Variants in AGBL1 observed in about 807,000 individuals in gnomAD.
AGBL1 encodes the protein AGBL carboxypeptidase 1.
Under a neutral mutation model 118.9 loss-of-function variants are expected in AGBL1, and 130 were observed. The ratio of observed to expected loss-of-function variants is 1.09; its 90% CI spans 0.95 to 1.26. The LOEUF (loss-of-function observed/expected upper bound fraction) is 1.26, where lower values mean the gene tolerates loss of function less well. Among genes scored for constraint, AGBL1 ranks in the 50% most tolerant of loss-of-function variants. The pLI, the probability that AGBL1 is intolerant of heterozygous loss-of-function variation, is 0.00. For missense variants in AGBL1, 1,584 were observed against 1,298.1 expected (o/e 1.22, Z -3.38); for synonymous variants, 555 against 478.9 (o/e 1.16, Z -2.08).
intron 22 of AGBL1, among the ~76,000 whole-genome samples, chr15:86,847,007 C>G (rs1168182962): frequency 1.3e-5 from 2 of 151,984 alleles, no homozygotes; most frequent in Non-Finnish European, 2.9e-5. Context: ...ATTGATCTAT[C>G]TTTAAATTTT....
intron 6 of AGBL1, among the ~76,000 whole-genome samples, chr15:86,243,285 C>T (rs1309024241): frequency 1.3e-5 from 2 of 152,162 alleles, no homozygotes; most frequent in African/African-American, 4.8e-5. Flanking sequence ...TATTCCCTTC[C>T]AGTTTTTAAG....
At chr15:86,540,080 T>A (rs897030201) in intron 19 of AGBL1, among the ~76,000 whole-genome samples, 1 of 152,224 alleles carries the variant, frequency 6.6e-6, no homozygotes, top group East Asian at 1.9e-4. Flanking sequence ...GAATTTAGTG[T>A]TCTCGGCCAC....
At chr15:86,673,521 A>C (rs2085782466) in intron 21 of AGBL1, among the ~76,000 whole-genome samples, 1 of 152,200 alleles carries the variant, frequency 6.6e-6, no homozygotes, top group Non-Finnish European at 1.5e-5. Flanking sequence ...TGGATAAGTT[A>C]CTTGTATTCA....
At chr15:86,868,693 A>C (rs1458071897) in intron 22 of AGBL1, among the ~76,000 whole-genome samples, 3 of 152,246 alleles carry the variant, frequency 2.0e-5, no homozygotes, top group Non-Finnish European at 4.4e-5. Flanking sequence ...ATTAAAGAGA[A>C]AATCTTCATT....
intron 6 of AGBL1, among the ~76,000 whole-genome samples, chr15:86,242,124 G>A (rs2078650284): frequency 6.6e-6 from 1 of 152,124 alleles, no homozygotes; most frequent in South Asian, 2.1e-4. Context: ...CCATGATTGT[G>A]AGGCCTCCCC....
intron 18 of AGBL1, among the ~76,000 whole-genome samples, chr15:86,505,948 G>A (rs913069593): frequency 6.6e-6 from 1 of 151,970 alleles, no homozygotes; most frequent in Admixed American, 6.6e-5. Flanking sequence ...TGTTTGTTTA[G>A]TGACTTCTTG....
chr15:86,624,599 G>A (rs577658883), intron 21 of AGBL1, among the ~76,000 whole-genome samples: 4 of 152,346 alleles, frequency 2.6e-5, no homozygotes, highest in Admixed American at 6.5e-5. Context: ...AAGGCTGGAA[G>A]TGGTGCTAGA....
chr15:86,921,534 T>G (rs1241198857), intron 23 of AGBL1, among the ~76,000 whole-genome samples: 1 of 152,214 alleles, frequency 6.6e-6, no homozygotes, highest in Non-Finnish European at 1.5e-5. Context: ...CTCACTTACT[T>G]CTCAAGGCCA....
At position 86,908,440 on chromosome 15, in the gene AGBL1, T is replaced by A. The variant is rs2080309752; in HGVS notation, c.*1146T>A. 3 of 151,936 alleles carry A rather than the reference T, an allele frequency of 2.0e-5. No individual in the cohort carries two copies. Among genetic ancestry groups the A allele is most frequent in the Admixed American group, 1.3e-4 (2 of 15,238 alleles). The allele number at this position is 151,936 out of a possible 1,614,324, so 9.4% of individuals were successfully genotyped here. ...AGGAGAATCGCTTGAACTTGGGAGG[T>A]GGAGGTTGCCATGAGCCGAGATTGC... On this transcript the variant is annotated 3_prime_UTR_variant, in exon 23 of 23. Coordinates refer to ENST00000614907, the MANE Select transcript of AGBL1 (RefSeq NM_001386094.1).
chr15:86,670,650 G>GTGTTTATA (rs369000727), intron 21 of AGBL1, among the ~76,000 whole-genome samples: 45 of 141,106 alleles, frequency 3.2e-4, no homozygotes, highest in Non-Finnish European at 6.1e-4. Flanking sequence ...GTGTGTGTGT[G>GTGTTTATA]TATATATATA....
At chr15:86,741,381 C>A (rs1255957166) in intron 22 of AGBL1, among the ~76,000 whole-genome samples, 10 of 30,510 alleles carry the variant, frequency 3.3e-4, no homozygotes, top group East Asian at 1.1e-3. Flanking sequence ...TAAGGCAAAG[C>A]AAAAAAAAAA....
At chr15:86,200,550 AC>A (rs60352336) in intron 5 of AGBL1, among the ~76,000 whole-genome samples, 12,090 of 71,444 alleles carry the variant, frequency 0.17, 356 homozygotes, top group African/African-American at 0.22. Flanking sequence ...ATAGACCCCT[AC>A]CCCCCCCCCC....
chr15:87,015,698 G>T (rs929558076), intron 24 of AGBL1, among the ~76,000 whole-genome samples: 2 of 152,052 alleles, frequency 1.3e-5, no homozygotes, highest in African/African-American at 4.8e-5. Flanking sequence ...ATTATTCTTA[G>T]CCAATTATAG....
At chr15:86,608,825 T>C (rs951575001) in intron 21 of AGBL1, among the ~76,000 whole-genome samples, 1 of 152,184 alleles carries the variant, frequency 6.6e-6, no homozygotes, top group Non-Finnish European at 1.5e-5. Flanking sequence ...AATTTTCAAA[T>C]GTTGGCAATG....
intron 17 of AGBL1, among the ~76,000 whole-genome samples, chr15:86,343,465 G>C (rs1284352521): frequency 1.3e-5 from 2 of 152,130 alleles, no homozygotes; most frequent in African/African-American, 2.4e-5. Flanking sequence ...GATTTCTCCA[G>C]TTTCATGTGC....
intron 19 of AGBL1, among the ~76,000 whole-genome samples, chr15:86,541,546 T>G (rs1469003754): frequency 7.0e-6 from 1 of 142,918 alleles, no homozygotes; most frequent in Admixed American, 7.6e-5. Flanking sequence ...TGAGCCATGA[T>G]TGCACCACTG....
intron 22 of AGBL1, among the ~76,000 whole-genome samples, chr15:86,822,511 C>A (rs946096659): frequency 6.6e-6 from 1 of 151,556 alleles, no homozygotes; most frequent in African/African-American, 2.4e-5. Context: ...GAAGGTGGAA[C>A]GCAGAGCATG....
rs1402681413 is a variant in AGBL1 at position 86,200,685 on chromosome 15, C to T, written c.489-24229C>T. Among the ~76,000 whole-genome samples, 3 of 151,004 alleles carry T rather than the reference C, an allele frequency of 2.0e-5. No individual in the cohort carries two copies. The South Asian group carries it at 6.3e-4, about 32-fold the overall frequency. The stretch of plus-strand genomic sequence containing the variant: ...AGGCTGGAGTGCAATGGCGCGATCT[C>T]GGCTCACTGCAACCTCTGCCTCCCA... On this transcript the variant is annotated intron_variant, in intron 5 of 22. Coordinates refer to ENST00000614907, the MANE Select transcript of AGBL1 (RefSeq NM_001386094.1).
chr15:86,936,863 G>C (rs144379466), intron 23 of AGBL1, among the ~76,000 whole-genome samples: 2 of 152,282 alleles, frequency 1.3e-5, no homozygotes, highest in African/African-American at 4.8e-5. Flanking sequence ...ACGGTAAACA[G>C]ACAACCTACA....
Sources: gnomAD v4.1 joint callset for allele counts (sites outside exome capture counted in the v4.1 genomes callset) on GRCh38, gnomAD v4.1.1 for gene constraint, MANE v1.5 for transcripts, NCBI Gene and HGNC (gene_info 2026-07-23, HGNC 2026-07-21) for gene names.